FBLN5: variants seen among roughly 807,000 people sequenced by gnomAD.
FBLN5 encodes fibulin-5.
In FBLN5, 24 loss-of-function variants were observed where a neutral mutation model predicts 61.6. That is an observed-to-expected ratio of 0.39 (90% confidence interval 0.28 to 0.55). FBLN5 has a LOEUF of 0.55. Among genes scored for constraint, FBLN5 ranks in the 20% least tolerant of loss-of-function variants. The pLI is 0.65. For missense variants in FBLN5, 470 were observed against 594.1 expected, an observed-to-expected ratio of 0.79 and a Z score of 2.17; for synonymous variants, 213 against 219.8, an observed-to-expected ratio of 0.97 and a Z score of 0.27.
chr14:91,929,057 CA>C (rs1196370267), intron 4 of FBLN5, among the ~76,000 whole-genome samples: 1 of 144,428 alleles, frequency 6.9e-6, no homozygotes. Flanking sequence ...GACTCCATCT[CA>C]AAAAAAAAGA....
chr14:91,903,744 C>T (rs1291413434), intron 4 of FBLN5, among the ~76,000 whole-genome samples: 3 of 152,154 alleles, frequency 2.0e-5, no homozygotes, highest in South Asian at 2.1e-4. Flanking sequence ...TAAATCTTCC[C>T]TTCACGTCCC....
At chr14:91,934,307 A>G (rs1314136208) in intron 4 of FBLN5, among the ~76,000 whole-genome samples, 1 of 152,246 alleles carries the variant, frequency 6.6e-6, no homozygotes, top group Non-Finnish European at 1.5e-5. Context: ...TCTCATTCAA[A>G]GCCTGAATGG....
At chr14:91,910,963 C>T (rs1269285630) in intron 4 of FBLN5, among the ~76,000 whole-genome samples, 2 of 150,166 alleles carry the variant, frequency 1.3e-5, no homozygotes, top group Non-Finnish European at 1.5e-5. Flanking sequence ...TCAAATTCTG[C>T]TGCCCTCATT....
chr14:91,913,836 C>T (rs115800380), intron 4 of FBLN5, among the ~76,000 whole-genome samples: 262 of 152,196 alleles, frequency 1.7e-3, no homozygotes, highest in African/African-American at 6.1e-3. Context: ...AATTTAAATC[C>T]CCATAAATGT....
rs991467734 is a variant in FBLN5 at position 91,936,957 on chromosome 14, G to A, written c.369C>T (p.Asn123=). 6.2e-7 allele frequency: 1 copy of A among 1,614,072 alleles called. No individual in the cohort carries two copies. The highest frequency in any genetic ancestry group is 8.5e-7 in the Non-Finnish European group (1 of 1,180,050). Residue 123 remains asparagine (N), a synonymous_variant, in exon 4 of 11, where the codon AAC becomes AAT. Coordinates refer to ENST00000342058, the MANE Select transcript of FBLN5 (RefSeq NM_006329.4). ...CRFGYQMDES[N]QCVDVDECAT... ...GGCCGGGCTACTCACCCACACATTG[G>A]TTGCTTTCATCCATCTGGTATCCAA...
intron 6 of FBLN5, 99 bp downstream of exon 6, chr14:91,891,122 G>A (rs1358344529): frequency 1.3e-6 from 1 of 788,382 alleles, no homozygotes; most frequent in East Asian, 2.4e-5. Flanking sequence ...GGAATATACT[G>A]TAGCAGCAGT....
chr14:91,901,552 A>G (rs2139993607), intron 4 of FBLN5, among the ~76,000 whole-genome samples: 1 of 152,348 alleles, frequency 6.6e-6, no homozygotes, highest in South Asian at 2.1e-4. Context: ...CTCCAAGTGA[A>G]GCCAGTTTCA....
At chr14:91,946,627 T>C in intron 1 of FBLN5, 3 of 1,066,096 alleles carry the variant, frequency 2.8e-6, no homozygotes, top group Non-Finnish European at 4.2e-6. Context: ...ACTGTGGGTG[T>C]CATTTAGGTA....
intron 10 of FBLN5, among the ~76,000 whole-genome samples, chr14:91,875,066 G>C (rs1456689454): frequency 1.3e-5 from 2 of 152,150 alleles, no homozygotes; most frequent in Non-Finnish European, 2.9e-5. Flanking sequence ...CCGGGCTCCA[G>C]GGATCCTCCC....
Position 91,894,931 on chromosome 14 carries a change from C to G in FBLN5, c.502+19G>C, listed in dbSNP as rs769241044. 2.6e-5 allele frequency: 42 copies of G among 1,607,954 alleles called. No individual in the cohort carries two copies. In the East Asian group the frequency reaches 8.5e-4, roughly 33 times the overall value. ...GTTAACTTCCAAGAGTCCCTGTGAC[C>G]CCCCCAGAGAGCTGTTACCTAAGCA... On this transcript the variant is annotated intron_variant, in intron 5 of 10. Coordinates refer to ENST00000342058, the MANE Select transcript of FBLN5 (RefSeq NM_006329.4).
chr14:91,944,030 C>G (rs1282200780), intron 1 of FBLN5, among the ~76,000 whole-genome samples: 1 of 151,162 alleles, frequency 6.6e-6, no homozygotes, highest in African/African-American at 2.4e-5. Context: ...AGCAAGATTG[C>G]TTTAAAAATA....
rs1177641521 is a variant in FBLN5, at chr14:91,882,929, G to T, written c.862+25C>A. On this transcript the variant is annotated intron_variant, in intron 8 of 10. Transcript: ENST00000342058. This position sits in a 1 kb window ranked among gnomAD's most constrained non-coding sequence, Gnocchi z 4.9. ...AGCTCCACCTCACACATACACCCCA[G>T]CCAGGCCCCTCCGGACAGCCTTACC... 6.2e-7 allele frequency: 1 copy of T among 1,612,306 alleles called. No homozygotes were observed. Among genetic ancestry groups the T allele is most frequent in the South Asian group, 1.1e-5 (1 of 90,922 alleles).
intron 3 of FBLN5, among the ~76,000 whole-genome samples, chr14:91,939,077 G>A (rs2056065953): frequency 6.6e-6 from 1 of 152,148 alleles, no homozygotes; most frequent in Non-Finnish European, 1.5e-5. Flanking sequence ...CTGGAGCATG[G>A]TGACGTTAGC....
At chr14:91,899,550 G>C (rs1051182768) in intron 4 of FBLN5, among the ~76,000 whole-genome samples, 1 of 152,228 alleles carries the variant, frequency 6.6e-6, no homozygotes, top group South Asian at 2.1e-4. Context: ...GACATCCACA[G>C]AGTGGCCTTC....
At chr14:91,898,278 A>G (rs1205786647) in intron 4 of FBLN5, among the ~76,000 whole-genome samples, 1 of 152,076 alleles carries the variant, frequency 6.6e-6, no homozygotes, top group Admixed American at 6.6e-5. Flanking sequence ...TGTCCCTGGT[A>G]ATGTTCAAGA....
intron 10 of FBLN5, 35 bp downstream of exon 10, chr14:91,877,452 T>C (rs759179020): frequency 6.4e-7 from 1 of 1,550,890 alleles, no homozygotes; most frequent in South Asian, 1.1e-5. Flanking sequence ...AGGCCACTGT[T>C]ACAGATGGCG....
At chr14:91,940,243 C>T (rs2056084907) in intron 3 of FBLN5, among the ~76,000 whole-genome samples, 1 of 152,176 alleles carries the variant, frequency 6.6e-6, no homozygotes, top group Non-Finnish European at 1.5e-5. Flanking sequence ...AAACTTCTGA[C>T]CTACTGAACT....
In FBLN5 at chr14:91,902,902, G is replaced by A. The variant is rs1273574500; in HGVS notation, c.380-7830C>T. On this transcript the variant is annotated intron_variant, in intron 4 of 10. Transcript: ENST00000342058. ...TAAGTGGGAACTGACCATGAAGATGGCCACAATAGACATTGGGGACTACTA... is the reference window on the plus strand; with the variant it reads ...TAAGTGGGAACTGACCATGAAGATGACCACAATAGACATTGGGGACTACTA... Among the ~76,000 whole-genome samples the A allele has an allele frequency of 3.3e-5, 5 of 152,152 alleles. No individual in the cohort carries two copies. In the East Asian group the frequency reaches 9.6e-4, roughly 29 times the overall value.
intron 9 of FBLN5, among the ~76,000 whole-genome samples, chr14:91,880,340 C>T (rs1889365114): frequency 6.6e-6 from 1 of 152,164 alleles, no homozygotes; most frequent in Admixed American, 6.5e-5. Flanking sequence ...CCAGGTGAGT[C>T]CTATGAGTGT....
Sources: allele counts gnomAD v4.1 joint callset (sites outside exome capture counted in the v4.1 genomes callset), GRCh38; gene constraint gnomAD v4.1.1; non-coding constraint Gnocchi (gnomAD v3.1); transcripts MANE v1.5; gene names NCBI Gene and HGNC (gene_info 2026-07-23, HGNC 2026-07-21).